The following TCF7L2 variants were observed in gnomAD, a reference collection of about 807,000 sequenced individuals.
TCF7L2 encodes the protein transcription factor 7-like 2.
In TCF7L2, 23 loss-of-function variants were observed where a neutral mutation model predicts 77.9. The observed-to-expected ratio is 0.30, with a 90% CI of 0.21 to 0.42. The LOEUF (loss-of-function observed/expected upper bound fraction) is 0.42, where lower values mean the gene tolerates loss of function less well. TCF7L2 is among the 10% of genes least tolerant of loss of function. The probability of loss-of-function intolerance (pLI) is 1.00; values close to 1 mark genes in which losing one functional copy is unlikely to be tolerated. For missense variants in TCF7L2, 654 were observed against 793.1 expected (o/e 0.82, Z 2.11); for synonymous variants, 413 against 340.2 (o/e 1.21, Z -2.36).
At chr10:113,159,130 A>G (rs2072590183) in intron 12 of TCF7L2, among the ~76,000 whole-genome samples, 1 of 150,544 alleles carries the variant, frequency 6.6e-6, no homozygotes, top group Non-Finnish European at 1.5e-5. Flanking sequence ...CCGCAGTATG[A>G]TTATTTTTTC....
At chr10:113,001,959 C>G (rs1034588646) in intron 4 of TCF7L2, among the ~76,000 whole-genome samples, 8 of 152,284 alleles carry the variant, frequency 5.3e-5, no homozygotes, top group Non-Finnish European at 4.4e-5. Flanking sequence ...TTAGAGGCTA[C>G]GAGACGTGAG....
chr10:112,960,747 G>T (rs1403296186), intron 3 of TCF7L2, among the ~76,000 whole-genome samples: 1 of 151,990 alleles, frequency 6.6e-6, no homozygotes, highest in Admixed American at 6.6e-5. Flanking sequence ...GAGTGCAGTG[G>T]TGCGATCTTG....
chr10:112,992,280 T>C (rs1351806280), intron 4 of TCF7L2, among the ~76,000 whole-genome samples: 1 of 152,144 alleles, frequency 6.6e-6, no homozygotes, highest in Non-Finnish European at 1.5e-5. Context: ...TTGGGCAACC[T>C]GGGAAGCAGT....
At chr10:113,098,622 C>T (rs1178033084) in intron 5 of TCF7L2, among the ~76,000 whole-genome samples, 1 of 152,106 alleles carries the variant, frequency 6.6e-6, no homozygotes, top group East Asian at 1.9e-4. Context: ...AGGAGAATCG[C>T]TTGAACCTGG....
chr10:113,102,123 A>C (rs1241442180), intron 5 of TCF7L2, among the ~76,000 whole-genome samples: 16 of 145,776 alleles, frequency 1.1e-4, no homozygotes, highest in South Asian at 6.3e-4. Flanking sequence ...AAAAAAAAAA[A>C]AAAAAAAAAA....
Position 113,165,970 on chromosome 10 carries a change from T to C in TCF7L2, c.1807T>C (p.Ter603GlnextTer2). 6.6e-7 allele frequency: 1 copy of C among 1,519,286 alleles called. No homozygotes were observed. The highest frequency in any genetic ancestry group is 1.3e-5 in the South Asian group (1 of 76,486). 94.1% of individuals were successfully genotyped at this position (1,519,286 alleles called of 1,614,324 possible). ...GTCGCTCGTCACCAAGTCTTTAGAA[T>C]AGCTTTAGCGTCGTGAACCCCGCTG... Residue 603 changes from the stop codon to glutamine (Q), a stop_lost, in exon 14 of 14, where the codon TAG becomes CAG. Coordinates refer to ENST00000627217, the MANE Select transcript of TCF7L2 (RefSeq NM_001146274.2).
chr10:113,035,642 C>T (rs1458672693), intron 4 of TCF7L2, among the ~76,000 whole-genome samples: 2 of 152,212 alleles, frequency 1.3e-5, no homozygotes, highest in East Asian at 1.9e-4. Flanking sequence ...AGCAATCTTC[C>T]GGCCTTGGCC....
In TCF7L2 at chr10:112,950,449, G is replaced by GTT. The variant is rs74804400; in HGVS notation, c.-295_-294dup. 4.1e-3 allele frequency: 799 copies of GTT among 194,682 alleles called. 1 individual carries two copies. Among genetic ancestry groups the GTT allele is most frequent in the South Asian group, 0.01 (99 of 9,746 alleles). 12.1% of individuals were successfully genotyped at this position (194,682 alleles called of 1,614,324 possible). A position where few individuals can be genotyped will look rare whatever the true frequency, so the allele number is the denominator to read the frequency against. On this transcript the variant is annotated 5_prime_UTR_variant, in exon 1 of 14. Coordinates refer to ENST00000627217, the MANE Select transcript of TCF7L2 (RefSeq NM_001146274.2). The stretch of plus-strand genomic sequence containing the variant: ...TATCTGACTTCTTGTTGTTGTTGGT[G>GTT]TTTTTTTTTTTTTTACCCCCCTTTT...
intron 5 of TCF7L2, among the ~76,000 whole-genome samples, chr10:113,061,288 T>C (rs1331162460): frequency 6.6e-6 from 1 of 152,156 alleles, no homozygotes; most frequent in Non-Finnish European, 1.5e-5. Flanking sequence ...GCAAAGAGCT[T>C]ATGGATGACA....
intron 5 of TCF7L2, among the ~76,000 whole-genome samples, chr10:113,105,501 C>T (rs1186558773): frequency 2.6e-5 from 4 of 152,142 alleles, no homozygotes; most frequent in East Asian, 1.9e-4. Context: ...GGTCCACTTT[C>T]GAAGTTCTGG....
At chr10:113,130,431 T>C (rs1006992179) in intron 5 of TCF7L2, among the ~76,000 whole-genome samples, 2 of 152,186 alleles carry the variant, frequency 1.3e-5, no homozygotes, top group Non-Finnish European at 2.9e-5. Flanking sequence ...TTTAAAAGCT[T>C]GAAAGTTTTG....
intron 4 of TCF7L2, among the ~76,000 whole-genome samples, chr10:112,980,754 G>A (rs2135196292): frequency 6.6e-6 from 1 of 151,898 alleles, no homozygotes; most frequent in Non-Finnish European, 1.5e-5. Context: ...CAGCCTCCCA[G>A]TAGCTGGGAC....
chr10:113,073,125 T>A (rs148389513), intron 5 of TCF7L2, among the ~76,000 whole-genome samples: 15 of 138,228 alleles, frequency 1.1e-4, no homozygotes, highest in South Asian at 1.0e-3. Flanking sequence ...TGTGTGTGTG[T>A]GTGTGAGAGA....
At chr10:112,966,762 G>T (rs867276158) in intron 4 of TCF7L2, among the ~76,000 whole-genome samples, 2 of 152,200 alleles carry the variant, frequency 1.3e-5, no homozygotes, top group Non-Finnish European at 2.9e-5. Context: ...CTGGCACGGT[G>T]CAGGCCATGT....
intron 4 of TCF7L2, among the ~76,000 whole-genome samples, chr10:113,039,679 A>G (rs1436940572): frequency 1.3e-5 from 2 of 152,144 alleles, no homozygotes; most frequent in East Asian, 1.9e-4. Flanking sequence ...GAATAGCTCT[A>G]TATTCTTTCC....
chr10:113,158,128 GTTAGGT>G (rs1434224768), intron 12 of TCF7L2, 59 bp downstream of exon 12: 5 of 1,541,954 alleles, frequency 3.2e-6, no homozygotes, highest in Middle Eastern at 1.9e-4. Context: ...ACCCTTTTAT[GTTAGGT>G]TTCCATCTGG....
At chr10:113,019,186 A>C (rs1201111782) in intron 4 of TCF7L2, among the ~76,000 whole-genome samples, 1 of 152,200 alleles carries the variant, frequency 6.6e-6, no homozygotes, top group Non-Finnish European at 1.5e-5. Context: ...TTGAGATGTC[A>C]AAGAAACATG....
chr10:113,125,187 C>G (rs2065377988), intron 5 of TCF7L2, among the ~76,000 whole-genome samples: 1 of 151,766 alleles, frequency 6.6e-6, no homozygotes, highest in Non-Finnish European at 1.5e-5. Flanking sequence ...GGAAAATTAT[C>G]CCAGATGGGA....
Position 113,166,038 on chromosome 10 carries a change from A to AC in TCF7L2, c.*71dup. ...TTTCACTTTTCTTAATTTGCCCCCC[A>AC]CCCCCACCTTGAAAGGTTTTGTTTT... On this transcript the variant is annotated 3_prime_UTR_variant, in exon 14 of 14. Coordinates refer to ENST00000627217, the MANE Select transcript of TCF7L2 (RefSeq NM_001146274.2). 7.6e-7 allele frequency: 1 copy of AC among 1,312,790 alleles called. No homozygotes were observed. The allele number at this position is 1,312,790 out of a possible 1,614,324, so 81.3% of individuals were successfully genotyped here.
Sources: allele counts gnomAD v4.1 joint callset (sites outside exome capture counted in the v4.1 genomes callset), GRCh38; gene constraint gnomAD v4.1.1; transcripts MANE v1.5; gene names NCBI Gene and HGNC (gene_info 2026-07-23, HGNC 2026-07-21).